ABTB2: variants seen among roughly 807,000 people sequenced by gnomAD.
ABTB2 encodes ankyrin repeat and BTB domain containing 2.
Under a neutral mutation model 104.1 loss-of-function variants are expected in ABTB2, and 56 were observed. That is an observed-to-expected ratio of 0.54 (90% CI 0.43 to 0.67). The LOEUF (loss-of-function observed/expected upper bound fraction) is 0.67. Among genes scored for constraint, ABTB2 ranks in the 30% least tolerant of loss-of-function variants. The pLI, the probability that ABTB2 is intolerant of heterozygous loss-of-function variation, is 0.00. For synonymous variants in ABTB2, 606 were observed against 608.2 expected (o/e 1.00, Z 0.05); for missense variants, 1,279 against 1,407.7 (o/e 0.91, Z 1.46).
rs896594481 is a variant in ABTB2 at position 34,240,119 on chromosome 11, A to AT, written c.884-35430dup. ...CCACAACTGCTACTCATTATAGCCCATTTTTTTCCCCTGGGTTTCTGAGAA... is the reference window on the plus strand; with the variant it reads ...CCACAACTGCTACTCATTATAGCCCATTTTTTTTCCCCTGGGTTTCTGAGAA... On this transcript the variant is annotated intron_variant, in intron 1 of 16. Coordinates refer to ENST00000435224, the MANE Select transcript of ABTB2 (RefSeq NM_145804.3). 4.6e-5 allele frequency among the ~76,000 whole-genome samples: 7 copies of AT among 152,214 alleles called. No homozygotes were observed. In the Middle Eastern group the frequency reaches 0.01, roughly 222 times the overall value.
chr11:34,172,395 A>AAAT (rs1554980662), intron 4 of ABTB2, among the ~76,000 whole-genome samples: 7 of 29,056 alleles, frequency 2.4e-4, no homozygotes, highest in Admixed American at 4.2e-4. Context: ...AAAAAAAAAA[A>AAAT]ATATATATAT....
chr11:34,210,280 G>A (rs1853465703), intron 1 of ABTB2, among the ~76,000 whole-genome samples: 1 of 152,154 alleles, frequency 6.6e-6, no homozygotes, highest in Non-Finnish European at 1.5e-5. Flanking sequence ...TGACCCCTAT[G>A]TGTGCGACAG....
intron 1 of ABTB2, among the ~76,000 whole-genome samples, chr11:34,210,500 G>GT (rs1462945671): frequency 5.3e-5 from 8 of 152,120 alleles, no homozygotes; most frequent in Non-Finnish European, 1.2e-4. Flanking sequence ...AACTGGATAG[G>GT]TTTATAGTGA....
chr11:34,200,015 C>G (rs1187757097), intron 2 of ABTB2, among the ~76,000 whole-genome samples: 1 of 152,190 alleles, frequency 6.6e-6, no homozygotes, highest in Non-Finnish European at 1.5e-5. Flanking sequence ...AGATCCCAAC[C>G]CTGCCCTTGG....
intron 3 of ABTB2, among the ~76,000 whole-genome samples, chr11:34,177,301 T>G (rs1852970071): frequency 6.6e-6 from 1 of 152,220 alleles, no homozygotes. Flanking sequence ...AATGCAGTAT[T>G]GATAGTCCTG....
Position 34,204,758 on chromosome 11 carries a change from T to C in ABTB2, c.884-68A>G, listed in dbSNP as rs1853388162. The C allele has an allele frequency of 2.0e-6, 3 of 1,526,990 alleles. No homozygotes were observed. The East Asian group carries it at 6.8e-5, about 35-fold the overall frequency. The allele number at this position is 1,526,990 out of a possible 1,614,324, so 94.6% of individuals were successfully genotyped here. ...GGAAGTTCAGTGGGCCCCAGCCTGC[T>C]GCAGGCAGGGCTCAGCCCTGCTCCC... On this transcript the variant is annotated intron_variant, in intron 1 of 16. Coordinates refer to ENST00000435224, the MANE Select transcript of ABTB2 (RefSeq NM_145804.3).
intron 3 of ABTB2, among the ~76,000 whole-genome samples, chr11:34,174,410 G>C (rs1005444021): frequency 1.8e-4 from 28 of 151,992 alleles, no homozygotes; most frequent in Admixed American, 1.5e-3. Flanking sequence ...GCGGGTCCGA[G>C]TATCACTAAG....
At chr11:34,159,090 C>G (rs1190208221) in intron 14 of ABTB2, among the ~76,000 whole-genome samples, 1 of 152,206 alleles carries the variant, frequency 6.6e-6, no homozygotes, top group Non-Finnish European at 1.5e-5. Context: ...AGCTCAGGAC[C>G]CATGTGACAG....
chr11:34,337,165 C>T (rs1237284520), intron 1 of ABTB2, among the ~76,000 whole-genome samples: 1 of 152,246 alleles, frequency 6.6e-6, no homozygotes, highest in African/African-American at 2.4e-5. Flanking sequence ...GCTGGGCTTG[C>T]ACCTGGGTGG....
At chr11:34,165,910 T>G (rs1207306182) in intron 7 of ABTB2, among the ~76,000 whole-genome samples, 1 of 152,138 alleles carries the variant, frequency 6.6e-6, no homozygotes, top group Non-Finnish European at 1.5e-5. Context: ...AGGCAGGTGG[T>G]GGGGCTGAAG....
At chr11:34,234,332 G>T (rs1853812032) in intron 1 of ABTB2, among the ~76,000 whole-genome samples, 1 of 152,168 alleles carries the variant, frequency 6.6e-6, no homozygotes, top group Non-Finnish European at 1.5e-5. Flanking sequence ...GCGAGAAATG[G>T]AGAACTTTTA....
At chr11:34,316,350 C>A (rs1275782552) in intron 1 of ABTB2, among the ~76,000 whole-genome samples, 1 of 152,242 alleles carries the variant, frequency 6.6e-6, no homozygotes, top group Non-Finnish European at 1.5e-5. Context: ...TAGACAAGAA[C>A]TCCTCACAGT....
intron 1 of ABTB2, among the ~76,000 whole-genome samples, chr11:34,346,724 A>G (rs1855337028): frequency 6.6e-6 from 1 of 152,160 alleles, no homozygotes; most frequent in African/African-American, 2.4e-5. Context: ...ACAGATAAGG[A>G]AACAGAGATC....
rs533143053 is a variant in ABTB2, at chr11:34,286,452, C to A, written c.883+70249G>T. ...GGATTACAGGCACCCGCCACCACAC[C>A]CAGCTAATGTTTGTATTTTTAGTAG... On this transcript the variant is annotated intron_variant, in intron 1 of 16. Transcript: ENST00000435224. Among the ~76,000 whole-genome samples, 4 of 152,094 alleles carry A rather than the reference C, an allele frequency of 2.6e-5. No homozygotes were observed. In the South Asian group the frequency reaches 6.2e-4, roughly 24 times the overall value.
intron 1 of ABTB2, among the ~76,000 whole-genome samples, chr11:34,239,198 G>A (rs1853883112): frequency 6.6e-6 from 1 of 152,220 alleles, no homozygotes; most frequent in Non-Finnish European, 1.5e-5. Context: ...GGGAGGTGAA[G>A]TGGGCTCTGA....
At chr11:34,156,498 G>A (rs1308619522) in intron 14 of ABTB2, among the ~76,000 whole-genome samples, 3 of 152,104 alleles carry the variant, frequency 2.0e-5, no homozygotes, top group Non-Finnish European at 4.4e-5. Context: ...CAGGGTTGGG[G>A]CCCTCTGGGC....
chr11:34,197,464 G>C lies in ABTB2; in HGVS notation c.1105C>G (p.Gln369Glu). 1 of 1,590,528 alleles carries C rather than the reference G, an allele frequency of 6.3e-7. No homozygotes were observed. Among genetic ancestry groups the C allele is most frequent in the Non-Finnish European group, 8.6e-7 (1 of 1,168,420 alleles). The change falls in exon 3 of 17, where the codon CAG becomes GAG. Residue 369 changes from glutamine to glutamate, a missense_variant. Transcript: ENST00000435224. ...ATGGGCTGTGGCGGCTGGCGGGCCT[G>C]GCGGGCAGGGCTGGCACCCGGGCAC... ...PLCPGASPAR[Q>E]ARQPPQPITW...
chr11:34,160,605 CTGTG>C (rs372500990), intron 11 of ABTB2, among the ~76,000 whole-genome samples: 2 of 140,462 alleles, frequency 1.4e-5, no homozygotes, highest in East Asian at 2.3e-4. Context: ...AGTCTGGGTG[CTGTG>C]TGTGTGTGTG....
At chr11:34,234,894 T>G (rs550938825) in intron 1 of ABTB2, among the ~76,000 whole-genome samples, 57 of 152,294 alleles carry the variant, frequency 3.7e-4, no homozygotes, top group African/African-American at 1.3e-3. Context: ...GTCTCGCTCC[T>G]TCGCCCAGGC....
Sources: gnomAD v4.1 joint callset for allele counts (sites outside exome capture counted in the v4.1 genomes callset) on GRCh38, gnomAD v4.1.1 for gene constraint, MANE v1.5 for transcripts, NCBI Gene and HGNC (gene_info 2026-07-23, HGNC 2026-07-21) for gene names.